Variants in AUH observed in about 807,000 individuals in gnomAD.
AUH encodes AU RNA binding methylglutaconyl-CoA hydratase.
A neutral mutation model predicts 42.3 loss-of-function variants in AUH; 29 were observed. That is an observed-to-expected ratio of 0.69 (90% confidence interval 0.51 to 0.93). The LOEUF is 0.93. Ranked by LOEUF, AUH falls within the 40% of genes least tolerant of loss-of-function variation. The pLI is 0.00. For synonymous variants in AUH, 174 were observed against 166.4 expected, an observed-to-expected ratio of 1.05 and a Z score of -0.35; for missense variants, 452 against 438.1, an observed-to-expected ratio of 1.03 and a Z score of -0.28.
At chr9:91,268,842 C>T (rs1233000134) in intron 6 of AUH, among the ~76,000 whole-genome samples, 4 of 152,178 alleles carry the variant, frequency 2.6e-5, no homozygotes, top group African/African-American at 9.7e-5. Flanking sequence ...AATTGTGATG[C>T]TTCTAAATAT....
intron 4 of AUH, among the ~76,000 whole-genome samples, chr9:91,304,766 G>C (rs1227536881): frequency 6.6e-6 from 1 of 152,182 alleles, no homozygotes; most frequent in Non-Finnish European, 1.5e-5. Context: ...AAGTAAAACA[G>C]CTTAATGAAG....
chr9:91,295,579 A>T (rs956617893), intron 6 of AUH, among the ~76,000 whole-genome samples: 6 of 152,162 alleles, frequency 3.9e-5, no homozygotes, highest in Non-Finnish European at 7.4e-5. Context: ...CACTCCAGCA[A>T]CCGCCACTCT....
chr9:91,360,240 C>T (rs530707323), intron 1 of AUH: 1 of 152,250 alleles, frequency 6.6e-6, no homozygotes, highest in South Asian at 2.1e-4. Flanking sequence ...ATTGTTGGTA[C>T]ACTTAACGGA....
intron 4 of AUH, among the ~76,000 whole-genome samples, chr9:91,318,936 T>C (rs942080984): frequency 1.3e-5 from 2 of 152,236 alleles, no homozygotes; most frequent in Admixed American, 6.5e-5. Flanking sequence ...TATTTTGGCT[T>C]CTTTCTACAA....
At chr9:91,285,564 ATTATAAAGG>A in intron 6 of AUH, among the ~76,000 whole-genome samples, 1 of 118,000 alleles carries the variant, frequency 8.5e-6, no homozygotes, top group African/African-American at 4.3e-5. Flanking sequence ...CAACAACAGT[ATTATAAAGG>A]GCAGTTATGA....
intron 4 of AUH, among the ~76,000 whole-genome samples, chr9:91,319,404 C>T (rs1282494284): frequency 1.3e-5 from 2 of 152,212 alleles, no homozygotes; most frequent in African/African-American, 4.8e-5. Flanking sequence ...GGGCTCCCCA[C>T]AAAATACACA....
At chr9:91,361,006 G>A (rs780400986) in intron 1 of AUH, among the ~76,000 whole-genome samples, 2 of 152,154 alleles carry the variant, frequency 1.3e-5, no homozygotes, top group Non-Finnish European at 2.9e-5. Context: ...TATTGCTAAT[G>A]ATGTCTCCTC....
chr9:91,252,036 G>T (rs544296488), intron 6 of AUH, among the ~76,000 whole-genome samples: 3 of 151,768 alleles, frequency 2.0e-5, no homozygotes, highest in Non-Finnish European at 4.4e-5. Flanking sequence ...GCACGATCTC[G>T]GCTCACTGCA....
At chr9:91,226,474 G>A (rs1180945272) in intron 6 of AUH, among the ~76,000 whole-genome samples, 16 of 152,126 alleles carry the variant, frequency 1.1e-4, no homozygotes, top group Non-Finnish European at 1.8e-4. Context: ...TGAGTAGGTT[G>A]CAAACATTTT....
chr9:91,298,174 G>T, intron 4 of AUH, 98 bp from the exon 5 acceptor site: 1 of 899,494 alleles, frequency 1.1e-6, no homozygotes, highest in Non-Finnish European at 1.8e-6. Context: ...GCTTTAAATG[G>T]GAGATCATAT....
chr9:91,265,187 A>T (rs1484245437), intron 6 of AUH, among the ~76,000 whole-genome samples: 1 of 151,524 alleles, frequency 6.6e-6, no homozygotes, highest in Admixed American at 6.6e-5. Context: ...CACTATTTTG[A>T]TAATTTCCTC....
intron 6 of AUH, among the ~76,000 whole-genome samples, chr9:91,254,967 A>G (rs1829331484): frequency 6.6e-6 from 1 of 152,226 alleles, no homozygotes; most frequent in African/African-American, 2.4e-5. Flanking sequence ...TATACAGCAT[A>G]AACTCAAAGG....
At chr9:91,224,302 G>A (rs745722761) in intron 6 of AUH, among the ~76,000 whole-genome samples, 17 of 152,202 alleles carry the variant, frequency 1.1e-4, no homozygotes, top group East Asian at 9.6e-4. Flanking sequence ...TTTAATTTGC[G>A]TCTTGAGTTG....
intron 6 of AUH, among the ~76,000 whole-genome samples, chr9:91,291,409 C>A (rs1826875918): frequency 6.6e-6 from 1 of 152,222 alleles, no homozygotes; most frequent in Non-Finnish European, 1.5e-5. Flanking sequence ...CAAATGCTTA[C>A]TTCTCAAAAG....
At chr9:91,238,480 T>C (rs1375709286) in intron 6 of AUH, among the ~76,000 whole-genome samples, 4 of 152,160 alleles carry the variant, frequency 2.6e-5, no homozygotes, top group Non-Finnish European at 5.9e-5. Flanking sequence ...TGCCATAGCA[T>C]AGAGAATAAA....
intron 3 of AUH, among the ~76,000 whole-genome samples, chr9:91,334,889 T>C (rs901818587): frequency 1.3e-5 from 2 of 152,172 alleles, no homozygotes; most frequent in South Asian, 4.1e-4. Context: ...TTCTCTCCAA[T>C]AAAGCCAAAT....
chr9:91,289,062 A>C (rs920479752), intron 6 of AUH, among the ~76,000 whole-genome samples: 11 of 152,226 alleles, frequency 7.2e-5, no homozygotes, highest in African/African-American at 2.4e-4. Flanking sequence ...TGATGATATG[A>C]CAATCAATAG....
At chr9:91,275,887 A>C (rs922149975) in intron 6 of AUH, among the ~76,000 whole-genome samples, 2 of 152,198 alleles carry the variant, frequency 1.3e-5, no homozygotes, top group African/African-American at 4.8e-5. Context: ...CAAATCTCAC[A>C]TCATGGAGAT....
chr9:91,352,789 A>G (rs1376230641), intron 3 of AUH, among the ~76,000 whole-genome samples: 1 of 152,250 alleles, frequency 6.6e-6, no homozygotes. Flanking sequence ...ATTAAAGCAC[A>G]GTTTAAAGGC....
Sources: gnomAD v4.1 joint callset for allele counts (sites outside exome capture counted in the v4.1 genomes callset) on GRCh38, gnomAD v4.1.1 for gene constraint, MANE v1.5 for transcripts, NCBI Gene and HGNC (gene_info 2026-07-23, HGNC 2026-07-21) for gene names.